CYTH3: variants seen among roughly 807,000 people sequenced by gnomAD.
The protein encoded by CYTH3 is cytohesin-3.
Under a neutral mutation model 55.1 loss-of-function variants are expected in CYTH3, and 23 were observed. That is an observed-to-expected ratio of 0.42 (90% CI 0.30 to 0.59). The LOEUF is 0.59. Among genes scored for constraint, CYTH3 ranks in the 20% least tolerant of loss-of-function variants. The pLI is 0.20. For synonymous variants in CYTH3, 249 were observed against 194.9 expected (o/e 1.28, Z -2.31); for missense variants, 413 against 524.8 (o/e 0.79, Z 2.08).
At chr7:6,205,681 AGCGT>A (rs1349191517) in intron 1 of CYTH3, among the ~76,000 whole-genome samples, 2 of 152,116 alleles carry the variant, frequency 1.3e-5, no homozygotes, top group African/African-American at 4.8e-5. Flanking sequence ...ATGCTACCAC[AGCGT>A]GGGCAATATA....
In CYTH3 at chr7:6,173,698, A is replaced by C; in HGVS notation, c.404T>G (p.Val135Gly). Residue 135 changes from valine to glycine, a missense_variant, in exon 6 of 13, where the codon GTT becomes GGT. Physicochemically the swap from Val to Gly is moderately radical, Grantham distance 109. Around this residue, in one of 4 missense-constraint regions of CYTH3, gnomAD observed 156 missense variants for 233.1 expected, o/e 0.67. Transcript: ENST00000350796. ...EFNIKVLQAF[V>G]ELHEFADLNL... The stretch of plus-strand genomic sequence containing the variant: ...GAGATCAGCAAACTCATGGAGTTCA[A>C]CAAAGGCTTGAAGAACTTTAATATT... 1 of 1,611,770 alleles carries C rather than the reference A, an allele frequency of 6.2e-7. No homozygotes were observed. The highest frequency in any genetic ancestry group is 1.3e-5 in the African/African-American group (1 of 75,010).
At chr7:6,197,875 T>A (rs980264376) in intron 1 of CYTH3, among the ~76,000 whole-genome samples, 4 of 152,138 alleles carry the variant, frequency 2.6e-5, no homozygotes, top group African/African-American at 9.7e-5. Flanking sequence ...GAAGATTGCT[T>A]GAGGCCAGGA....
At chr7:6,217,283 T>G (rs181922037) in intron 1 of CYTH3, among the ~76,000 whole-genome samples, 106 of 152,310 alleles carry the variant, frequency 7.0e-4, no homozygotes, top group African/African-American at 2.5e-3. Context: ...GAGTAGAATT[T>G]AAAAATTATA....
intron 1 of CYTH3, among the ~76,000 whole-genome samples, chr7:6,244,359 G>C (rs1179593879): frequency 6.6e-6 from 1 of 152,216 alleles, no homozygotes; most frequent in African/African-American, 2.4e-5. Context: ...ATTAATTACA[G>C]ACTAATTGCT....
rs534053727 is a variant in CYTH3, at chr7:6,237,982, A to G, written c.34+34492T>C. Among the ~76,000 whole-genome samples, 13 of 152,352 alleles carry G rather than the reference A, an allele frequency of 8.5e-5. No homozygotes were observed. The East Asian group carries it at 2.1e-3, about 25-fold the overall frequency. On this transcript the variant is annotated intron_variant, in intron 1 of 12. Transcript: ENST00000350796. ...ATCAGTTTGGCTGAGATGTTACGCA[A>G]TGAGTATAGAGTCAGCTATAGGTAA... is the stretch of plus-strand genomic sequence containing the variant.
In CYTH3 at chr7:6,177,361, C is replaced by T. The variant is rs555872564; in HGVS notation, c.368+462G>A. 1.7e-3 allele frequency among the ~76,000 whole-genome samples: 261 copies of T among 152,368 alleles called. 3 individuals are homozygous for T. The highest frequency in any genetic ancestry group is 6.1e-3 in the African/African-American group (253 of 41,592). Reference sequence around the variant, plus strand: ...TGCTGCCTCAGCAGTCCTGCCCTAACCTCTGCTAAGCCAGTCGCAGTCAGA... The same window carrying T: ...TGCTGCCTCAGCAGTCCTGCCCTAATCTCTGCTAAGCCAGTCGCAGTCAGA... On this transcript the variant is annotated intron_variant, in intron 5 of 12. Coordinates refer to ENST00000350796, the MANE Select transcript of CYTH3 (RefSeq NM_004227.4).
chr7:6,262,241 C>G (rs1780370889), intron 1 of CYTH3, among the ~76,000 whole-genome samples: 1 of 152,116 alleles, frequency 6.6e-6, no homozygotes, highest in Non-Finnish European at 1.5e-5. Context: ...TAATTACAGT[C>G]CTGGAAGGAG....
At chr7:6,255,930 A>AT (rs1292510725) in intron 1 of CYTH3, among the ~76,000 whole-genome samples, 5 of 151,558 alleles carry the variant, frequency 3.3e-5, no homozygotes. Flanking sequence ...CGCCCAGCTA[A>AT]TTTTTTGTAT....
chr7:6,259,762 T>TA (rs1321049731), intron 1 of CYTH3, among the ~76,000 whole-genome samples: 1 of 25,616 alleles, frequency 3.9e-5, no homozygotes, highest in African/African-American at 3.4e-4. Context: ...ATATATTATA[T>TA]ATATATATAT....
chr7:6,172,792 G>A (rs1360966078), intron 6 of CYTH3: 3 of 1,280,244 alleles, frequency 2.3e-6, no homozygotes, highest in Middle Eastern at 2.2e-4. Flanking sequence ...AGCCTGAACT[G>A]CGGCTGCAGG....
At chr7:6,193,894 C>G (rs1783859862) in intron 1 of CYTH3, among the ~76,000 whole-genome samples, 1 of 152,152 alleles carries the variant, frequency 6.6e-6, no homozygotes, top group African/African-American at 2.4e-5. Flanking sequence ...CTGGGCTCCC[C>G]GACTGCAGGC....
At chr7:6,268,298 G>A (rs1344670283) in intron 1 of CYTH3, among the ~76,000 whole-genome samples, 1 of 152,144 alleles carries the variant, frequency 6.6e-6, no homozygotes, top group African/African-American at 2.4e-5. Flanking sequence ...CTCCCGCGTA[G>A]CTGAGATTAC....
Position 6,235,618 on chromosome 7 carries a change from GTTCT to G in CYTH3, c.34+36852_34+36855del, listed in dbSNP as rs201997323. Among the ~76,000 whole-genome samples, 737 of 152,240 alleles carry G rather than the reference GTTCT, an allele frequency of 4.8e-3. 5 individuals carry two copies. The highest frequency in any genetic ancestry group is 0.017 in the African/African-American group (703 of 41,530). The stretch of plus-strand genomic sequence containing the variant: ...CGTACTTCTCAGAAACCTACCACGG[GTTCT>G]TTCTTATACACGGGAGTCGTTAGAT... On this transcript the variant is annotated intron_variant, in intron 1 of 12. Coordinates refer to ENST00000350796, the MANE Select transcript of CYTH3 (RefSeq NM_004227.4).
chr7:6,178,530 C>T (rs1305959781), intron 4 of CYTH3, among the ~76,000 whole-genome samples: 1 of 152,216 alleles, frequency 6.6e-6, no homozygotes, highest in Non-Finnish European at 1.5e-5. Flanking sequence ...CACTGCTCTT[C>T]CTCCTCCTTT....
At chr7:6,202,755 A>G (rs776133622) in intron 1 of CYTH3, among the ~76,000 whole-genome samples, 84 of 152,074 alleles carry the variant, frequency 5.5e-4, no homozygotes, top group Non-Finnish European at 8.7e-4. Flanking sequence ...CACCGTGCCC[A>G]GCCAGGCCAT....
chr7:6,179,676 C>CA (rs1783433724), intron 4 of CYTH3, among the ~76,000 whole-genome samples: 3 of 95,182 alleles, frequency 3.2e-5, no homozygotes, highest in South Asian at 3.5e-4. Context: ...CACACACACA[C>CA]CACACACACC....
chr7:6,222,302 G>A (rs144977229), intron 1 of CYTH3, among the ~76,000 whole-genome samples: 21 of 152,312 alleles, frequency 1.4e-4, no homozygotes, highest in Admixed American at 9.8e-4. Flanking sequence ...AGCACCTGTC[G>A]ATAATGCCTA....
At chr7:6,204,110 C>G (rs926892821) in intron 1 of CYTH3, among the ~76,000 whole-genome samples, 4 of 151,610 alleles carry the variant, frequency 2.6e-5, no homozygotes, top group Non-Finnish European at 2.9e-5. Flanking sequence ...AATAAAGATT[C>G]TAAGTGAGAA....
intron 1 of CYTH3, among the ~76,000 whole-genome samples, chr7:6,230,755 TG>T (rs1277586930): frequency 1.3e-5 from 2 of 151,876 alleles, no homozygotes; most frequent in Admixed American, 6.6e-5. Context: ...ACATAGTAAA[TG>T]AAAAAAAATG....
Sources: gnomAD v4.1 joint callset for allele counts (sites outside exome capture counted in the v4.1 genomes callset) on GRCh38, gnomAD v4.1.1 for gene constraint, gnomAD v4.1.1 regional missense constraint, MANE v1.5 for transcripts, NCBI Gene and HGNC (gene_info 2026-07-23, HGNC 2026-07-21) for gene names.